SCARB1: variants seen among roughly 807,000 people sequenced by gnomAD.
SCARB1 encodes CD36 and LIMPII analogous 1.
SCARB1 carries 30 observed loss-of-function variants against 57.2 expected under a neutral mutation model. That is an observed-to-expected ratio of 0.52 (90% CI 0.39 to 0.71). The LOEUF is 0.71. SCARB1 is among the 30% of genes least tolerant of loss of function. SCARB1 has a pLI of 0.00. For missense variants in SCARB1, 543 were observed against 671.2 expected (o/e 0.81, Z 2.11); for synonymous variants, 249 against 268.3 (o/e 0.93, Z 0.70).
rs1196652218 is a variant in SCARB1, at chr12:124,817,389, A to C, written c.284+161T>G. Among the ~76,000 whole-genome samples the C allele has an allele frequency of 3.3e-5, 5 of 150,700 alleles. No homozygotes were observed. The highest frequency in any genetic ancestry group is 5.9e-5 in the Non-Finnish European group (4 of 67,778). Reference sequence around the variant, plus strand: ...AAAAAAAAAAAAAAAACCCTAAAACAAAAACTTCTCTGGGACTAGCACTTA... The same window carrying C: ...AAAAAAAAAAAAAAAACCCTAAAACCAAAACTTCTCTGGGACTAGCACTTA... On this transcript the variant is annotated intron_variant, in intron 2 of 12. Transcript: ENST00000261693. This position sits in a 1 kb window ranked among gnomAD's most constrained non-coding sequence, Gnocchi z 4.8.
At chr12:124,855,427 C>T (rs1312037648) in intron 1 of SCARB1, among the ~76,000 whole-genome samples, 1 of 152,190 alleles carries the variant, frequency 6.6e-6, no homozygotes, top group Non-Finnish European at 1.5e-5. Flanking sequence ...GGAGCCAGCC[C>T]CTGGGCCCTT....
intron 1 of SCARB1, among the ~76,000 whole-genome samples, chr12:124,824,674 C>T (rs542593579): frequency 3.9e-5 from 6 of 152,176 alleles, no homozygotes; most frequent in Non-Finnish European, 7.3e-5. Flanking sequence ...CTGTGCACAG[C>T]GGGGGTCAGG....
At chr12:124,818,027 G>A (rs1282025163) in intron 1 of SCARB1, among the ~76,000 whole-genome samples, 1 of 152,240 alleles carries the variant, frequency 6.6e-6, no homozygotes, top group Non-Finnish European at 1.5e-5. Flanking sequence ...CAGGGTAGCG[G>A]ATGGGCTCAG....
chr12:124,815,043 A>T lies in SCARB1; in HGVS notation c.356T>A (p.Phe119Tyr). 6.2e-7 allele frequency: 1 copy of T among 1,614,146 alleles called. No homozygotes were observed. The highest frequency in any genetic ancestry group is 8.5e-7 in the Non-Finnish European group (1 of 1,180,016). Residue 119 changes from phenylalanine to tyrosine, a missense_variant, in exon 3 of 13, where the codon TTC becomes TAC. Physicochemically the swap from Phe to Tyr is conservative, Grantham distance 22 (BLOSUM62 3). Coordinates refer to ENST00000261693, the MANE Select transcript of SCARB1 (RefSeq NM_005505.5). ...GTGGGACTTGGAGGGCTGGAACTGG[A>T]AGGTGCGGTACTCGAGGAAGGACAC... ...DTVSFLEYRT[F>Y]QFQPSKSHGS...
chr12:124,820,210 G>T (rs1315373168), intron 1 of SCARB1, among the ~76,000 whole-genome samples: 1 of 152,084 alleles, frequency 6.6e-6, no homozygotes, highest in Non-Finnish European at 1.5e-5. Flanking sequence ...TCCGGGGTGC[G>T]CCATGAGCCT....
rs925544383 is a variant in SCARB1 at position 124,812,285 on chromosome 12, A to G, written c.631-320T>C. On this transcript the variant is annotated intron_variant, in intron 4 of 12. Transcript: ENST00000261693. This position sits in a 1 kb window ranked among gnomAD's most constrained non-coding sequence, Gnocchi z 4.3. Reference sequence around the variant, plus strand: ...GCATAAAATAAAGCATGGCCAGGTCAGCTCCCTGAGCAATGAAAAAGGAGA... The same window carrying G: ...GCATAAAATAAAGCATGGCCAGGTCGGCTCCCTGAGCAATGAAAAAGGAGA... Among the ~76,000 whole-genome samples, 1 of 152,202 alleles carries G rather than the reference A, an allele frequency of 6.6e-6. No homozygotes were observed. The highest frequency in any genetic ancestry group is 2.4e-5 in the African/African-American group (1 of 41,458).
rs535953860 is a variant in SCARB1, at chr12:124,787,362, G to A, written c.1254+44C>T. 7.5e-6 allele frequency: 12 copies of A among 1,595,034 alleles called. No homozygotes were observed. In the African/African-American group the frequency reaches 1.3e-4, roughly 18 times the overall value. On this transcript the variant is annotated intron_variant, in intron 10 of 12. Coordinates refer to ENST00000261693, the MANE Select transcript of SCARB1 (RefSeq NM_005505.5). ...CCTCCTGCCTCAAATGCCCACATTG[G>A]CTCTTAACAAAAGCCCCCGACGCTG...
chr12:124,791,717 G>A (rs913235348), intron 9 of SCARB1, among the ~76,000 whole-genome samples: 1 of 152,130 alleles, frequency 6.6e-6, no homozygotes, highest in Non-Finnish European at 1.5e-5. Flanking sequence ...AGCACTTTGG[G>A]AGGCTGAGGC....
In SCARB1 at chr12:124,863,630, T is replaced by A; in HGVS notation, c.91A>T (p.Met31Leu). Residue 31 changes from methionine (M) to leucine (L), a missense_variant, in exon 1 of 13, where the codon ATG becomes TTG. Coordinates refer to ENST00000261693, the MANE Select transcript of SCARB1 (RefSeq NM_005505.5). ...TGCTGCTTGATGAGCGACGGCACCATCACGATCATGACAGCGCCCAGCACA... is the reference window on the plus strand; with the variant it reads ...TGCTGCTTGATGAGCGACGGCACCAACACGATCATGACAGCGCCCAGCACA... ...CAVLGAVMIVMVPSLIKQQVL... is the reference protein window; with the variant it reads ...CAVLGAVMIVLVPSLIKQQVL... 4 of 1,600,580 alleles carry A rather than the reference T, an allele frequency of 2.5e-6. No individual in the cohort carries two copies. Among genetic ancestry groups the A allele is most frequent in the African/African-American group, 1.4e-5 (1 of 73,534 alleles).
chr12:124,829,334 T>C (rs1167253110), intron 1 of SCARB1, among the ~76,000 whole-genome samples: 1 of 152,146 alleles, frequency 6.6e-6, no homozygotes, highest in African/African-American at 2.4e-5. Flanking sequence ...CCCGCTGTTT[T>C]CCTGCCTCTG....
intron 1 of SCARB1, among the ~76,000 whole-genome samples, chr12:124,851,956 C>T (rs958543452): frequency 1.3e-5 from 2 of 152,098 alleles, no homozygotes; most frequent in African/African-American, 4.8e-5. Flanking sequence ...TGGTTCCATT[C>T]TAAATAATGA....
intron 1 of SCARB1, among the ~76,000 whole-genome samples, chr12:124,859,334 C>A (rs565065926): frequency 1.3e-5 from 2 of 152,010 alleles, no homozygotes; most frequent in African/African-American, 4.8e-5. Flanking sequence ...AAGACCATCC[C>A]GGCTAACACG....
chr12:124,845,172 C>G (rs1039531414), intron 1 of SCARB1, among the ~76,000 whole-genome samples: 1 of 152,134 alleles, frequency 6.6e-6, no homozygotes, highest in African/African-American at 2.4e-5. Context: ...AAGCGAGTTC[C>G]CGAACATGCG....
intron 1 of SCARB1, among the ~76,000 whole-genome samples, chr12:124,844,036 C>T (rs887527962): frequency 6.6e-6 from 1 of 152,118 alleles, no homozygotes; most frequent in Non-Finnish European, 1.5e-5. Flanking sequence ...ACAGCAATTC[C>T]ACTCCTGCGC....
At chr12:124,808,497 C>T (rs1885595374) in intron 6 of SCARB1, among the ~76,000 whole-genome samples, 1 of 152,164 alleles carries the variant, frequency 6.6e-6, no homozygotes, top group Admixed American at 6.5e-5. Flanking sequence ...TCACTCCTGC[C>T]CCAGGCCCTT....
chr12:124,800,204 C>T lies in SCARB1; in HGVS notation c.1048G>A (p.Ala350Thr), dbSNP rs1158216702. 3.1e-6 allele frequency: 5 copies of T among 1,613,832 alleles called. No individual in the cohort carries two copies. The highest frequency in any genetic ancestry group is 2.2e-5 in the East Asian group (1 of 44,856). The change falls in exon 8 of 13, where the codon GCT (alanine) becomes ACT (threonine). Residue 350 changes from alanine to threonine, a missense_variant. Ala to Thr is a moderately conservative substitution (Grantham distance 58, BLOSUM62 0). Coordinates refer to ENST00000261693, the MANE Select transcript of SCARB1 (RefSeq NM_005505.5). This position sits in a 1 kb window ranked among gnomAD's most constrained non-coding sequence, Gnocchi z 4.8. ...ACCGCTTCTGCCAGAACCGGGTCAG[C>T]GTTGAGGAAGTGAGGATGGGAGAGA... ...LFLSHPHFLNADPVLAEAVTG... is the reference protein window; with the variant it reads ...LFLSHPHFLNTDPVLAEAVTG...
chr12:124,792,240 T>G (rs1949759532), intron 9 of SCARB1, among the ~76,000 whole-genome samples: 1 of 152,098 alleles, frequency 6.6e-6, no homozygotes, highest in Non-Finnish European at 1.5e-5. Context: ...CAGCTCTGCT[T>G]CCCGGCAGCT....
chr12:124,787,597 G>C (rs1433071792), intron 9 of SCARB1, 140 bp from the exon 10 acceptor site: 2 of 729,540 alleles, frequency 2.7e-6, no homozygotes, highest in Non-Finnish European at 4.7e-6. Context: ...TAAACAATGA[G>C]CTGAAACACT....
intron 7 of SCARB1, among the ~76,000 whole-genome samples, chr12:124,803,305 G>A (rs1950197771): frequency 1.3e-5 from 2 of 152,186 alleles, no homozygotes; most frequent in South Asian, 2.1e-4. Context: ...TCAGCCAGGC[G>A]CAGCGGTTCA....
Sources: gnomAD v4.1 joint callset for allele counts (sites outside exome capture counted in the v4.1 genomes callset) on GRCh38, gnomAD v4.1.1 for gene constraint, Gnocchi (gnomAD v3.1) non-coding constraint, MANE v1.5 for transcripts, NCBI Gene and HGNC (gene_info 2026-07-23, HGNC 2026-07-21) for gene names.